Variants in RGSL1 observed in about 807,000 individuals in gnomAD.
The protein encoded by RGSL1 is regulator of G protein signaling like 1.
Under a neutral mutation model 124.7 loss-of-function variants are expected in RGSL1, and 97 were observed. The observed-to-expected ratio is 0.78, with a 90% CI of 0.66 to 0.92. The LOEUF is 0.92. Ranked by LOEUF, RGSL1 falls within the 40% of genes least tolerant of loss-of-function variation. The probability of loss-of-function intolerance (pLI) is 0.00; values close to 1 mark genes in which losing one functional copy is unlikely to be tolerated. For synonymous variants in RGSL1, 424 were observed against 438.1 expected, an observed-to-expected ratio of 0.97 and a Z score of 0.40; for missense variants, 1,233 against 1,288.4, an observed-to-expected ratio of 0.96 and a Z score of 0.66.
At chr1:182,494,068 TG>T (rs1367352633) in intron 9 of RGSL1, among the ~76,000 whole-genome samples, 1 of 152,150 alleles carries the variant, frequency 6.6e-6, no homozygotes, top group Non-Finnish European at 1.5e-5. Flanking sequence ...CTGCTGGTCT[TG>T]GGGTCTTACT....
chr1:182,450,241 C>T (rs1377367540), intron 1 of RGSL1, 63 bp downstream of exon 1: 2 of 1,537,196 alleles, frequency 1.3e-6, no homozygotes, highest in East Asian at 2.4e-5. Context: ...AACCATTCAT[C>T]TTCCCAATTG....
intron 9 of RGSL1, among the ~76,000 whole-genome samples, chr1:182,501,307 C>CTTTTTTTTT (rs141279993): frequency 1.5e-4 from 9 of 61,336 alleles, no homozygotes; most frequent in African/African-American, 2.6e-4. Flanking sequence ...TTTTTCTTTT[C>CTTTTTTTTT]TTTTTTTTTT....
At chr1:182,554,938 A>G in intron 20 of RGSL1, 1 of 523,574 alleles carries the variant, frequency 1.9e-6, no homozygotes, top group East Asian at 3.2e-5. Context: ...CCCACTTTTC[A>G]GTAGAACAAT....
chr1:182,481,848 C>T (rs923948614), intron 6 of RGSL1, among the ~76,000 whole-genome samples: 5 of 151,966 alleles, frequency 3.3e-5, no homozygotes, highest in Admixed American at 6.6e-5. Context: ...GGCATGGTGG[C>T]GTGTGCCTGT....
intron 18 of RGSL1, among the ~76,000 whole-genome samples, chr1:182,552,320 T>C (rs922666997): frequency 6.6e-6 from 1 of 152,118 alleles, no homozygotes; most frequent in African/African-American, 2.4e-5. Flanking sequence ...TTCACCATGT[T>C]AGCCAGGATG....
At chr1:182,518,048 T>C (rs1279980452) in intron 9 of RGSL1, among the ~76,000 whole-genome samples, 1 of 90,072 alleles carries the variant, frequency 1.1e-5, no homozygotes, top group Non-Finnish European at 2.3e-5. Context: ...TTTTGTTGTT[T>C]GTTTGTTTTG....
At chr1:182,553,339 A>G (rs889639354) in intron 18 of RGSL1, 116 bp from the exon 19 acceptor site, 48 of 731,836 alleles carry the variant, frequency 6.6e-5, no homozygotes, top group African/African-American at 3.7e-4. Flanking sequence ...ATGTTTTATC[A>G]TTAACATTTT....
At chr1:182,535,626 T>C (rs904796043) in intron 14 of RGSL1, among the ~76,000 whole-genome samples, 2 of 152,174 alleles carry the variant, frequency 1.3e-5, no homozygotes, top group Non-Finnish European at 2.9e-5. Context: ...GCATAGTGCC[T>C]CTCAACCAAA....
intron 16 of RGSL1, 96 bp from the exon 17 acceptor site, chr1:182,548,604 T>C: frequency 1.3e-6 from 2 of 1,520,946 alleles, no homozygotes; most frequent in East Asian, 4.9e-5. Flanking sequence ...GTATGCCTTT[T>C]GGAGAGGGGG....
At chr1:182,463,892 C>T (rs544771206) in intron 4 of RGSL1, among the ~76,000 whole-genome samples, 1 of 152,188 alleles carries the variant, frequency 6.6e-6, no homozygotes, top group Non-Finnish European at 1.5e-5. Flanking sequence ...GGACACTCTA[C>T]TCAACAACAA....
chr1:182,546,327 A>C (rs1266698146), intron 15 of RGSL1, among the ~76,000 whole-genome samples: 2 of 148,020 alleles, frequency 1.4e-5, no homozygotes, highest in African/African-American at 5.0e-5. Flanking sequence ...AAGCAATTTA[A>C]TCCTTCTGGC....
chr1:182,488,931 G>T, intron 7 of RGSL1, 49 bp from the exon 8 acceptor site: 1 of 1,442,322 alleles, frequency 6.9e-7, no homozygotes, highest in Non-Finnish European at 9.5e-7. Context: ...ATTGCTTCTG[G>T]TCTAGTTCCT....
intron 4 of RGSL1, among the ~76,000 whole-genome samples, chr1:182,467,910 C>A (rs996579427): frequency 5.9e-5 from 9 of 152,150 alleles, no homozygotes; most frequent in African/African-American, 2.2e-4. Context: ...TGAACTCAAA[C>A]AAATTTACAA....
chr1:182,541,585 A>G (rs1333693178), intron 15 of RGSL1, among the ~76,000 whole-genome samples: 1 of 152,168 alleles, frequency 6.6e-6, no homozygotes, highest in African/African-American at 2.4e-5. Flanking sequence ...TCCTTTGGAT[A>G]TATACCCAGT....
At chr1:182,557,193 C>T (rs1019019865) in intron 21 of RGSL1, among the ~76,000 whole-genome samples, 1 of 152,070 alleles carries the variant, frequency 6.6e-6, no homozygotes, top group Admixed American at 6.6e-5. Flanking sequence ...GGGAGAAGGC[C>T]CAGCAAGACA....
chr1:182,472,635 C>A, intron 5 of RGSL1, 78 bp downstream of exon 5: 1 of 1,383,124 alleles, frequency 7.2e-7, no homozygotes, highest in Non-Finnish European at 9.6e-7. Flanking sequence ...CAGTCTCCTT[C>A]TTTGCAGGAA....
intron 2 of RGSL1, among the ~76,000 whole-genome samples, chr1:182,454,293 A>G (rs1238929641): frequency 6.6e-6 from 1 of 152,042 alleles, no homozygotes; most frequent in East Asian, 1.9e-4. Flanking sequence ...TACCTGTCCA[A>G]AGTTACTTCT....
intron 9 of RGSL1, among the ~76,000 whole-genome samples, chr1:182,506,919 G>A (rs1040045155): frequency 6.6e-6 from 1 of 150,410 alleles, no homozygotes; most frequent in Non-Finnish European, 1.5e-5. Context: ...TTCTCTTCTA[G>A]CTAGCTTGAA....
intron 13 of RGSL1, among the ~76,000 whole-genome samples, chr1:182,531,641 G>A (rs1659180509): frequency 1.3e-5 from 2 of 152,116 alleles, no homozygotes; most frequent in Non-Finnish European, 2.9e-5. Flanking sequence ...TTTCTCCTCT[G>A]TATTTCCTCC....
Sources: allele counts gnomAD v4.1 joint callset (sites outside exome capture counted in the v4.1 genomes callset), GRCh38; gene constraint gnomAD v4.1.1; transcripts MANE v1.5; gene names NCBI Gene and HGNC (gene_info 2026-07-23, HGNC 2026-07-21).